The following ANKRD35 variants were observed in gnomAD, a reference collection of about 807,000 sequenced individuals.
ANKRD35 encodes ankyrin repeat domain 35.
In ANKRD35, 102 loss-of-function variants were observed where a neutral mutation model predicts 109.9. That is an observed-to-expected ratio of 0.93 (90% CI 0.79 to 1.09). The LOEUF is 1.09. Among genes scored for constraint, ANKRD35 ranks in the 50% least tolerant of loss-of-function variants. The pLI is 0.00. For synonymous variants in ANKRD35, 515 were observed against 512.4 expected (o/e 1.01, Z -0.07); for missense variants, 1,240 against 1,230.1 (o/e 1.01, Z -0.12).
chr1:145,874,237 A>T (rs782118978), intron 8 of ANKRD35, 45 bp from the exon 9 acceptor site: 2 of 1,597,652 alleles, frequency 1.3e-6, no homozygotes, highest in Non-Finnish European at 8.6e-7. Flanking sequence ...GACAGGTTCC[A>T]TGTACTTCCA....
At chr1:145,885,311 C>G (rs1553741704) in intron 1 of ANKRD35, among the ~76,000 whole-genome samples, 1 of 151,914 alleles carries the variant, frequency 6.6e-6, no homozygotes. Context: ...AAATATGGGG[C>G]TCTGGGGCAT....
chr1:145,882,938 T>C (rs587639205), intron 1 of ANKRD35, among the ~76,000 whole-genome samples: 1 of 152,260 alleles, frequency 6.6e-6, no homozygotes, highest in East Asian at 1.9e-4. Flanking sequence ...GCTGTGTACC[T>C]ATAAGCATCC....
At chr1:145,885,428 G>A (rs1553741727) in intron 1 of ANKRD35, among the ~76,000 whole-genome samples, 1 of 152,024 alleles carries the variant, frequency 6.6e-6, no homozygotes, top group Admixed American at 6.6e-5. Context: ...AGGGCCATGG[G>A]AAGGGGACAG....
rs782466875 is a variant in ANKRD35, at chr1:145,872,818, G to A, written c.1951C>T (p.Arg651Trp). The A allele has an allele frequency of 6.2e-7, 1 of 1,614,006 alleles. No homozygotes were observed. The highest frequency in any genetic ancestry group is 8.5e-7 in the Non-Finnish European group (1 of 1,179,948). Residue 651 changes from arginine (R) to tryptophan (W), a missense_variant, in exon 10 of 14, where the codon CGG (arginine) becomes TGG (tryptophan). Transcript: ENST00000355594. ...TTGGGCACAAACTCCCGCTGCAGCC[G>A]CTGGCTCAGGGACTGTAGCTCCCTC... ...LQRELQSLSQ[R>W]LQREFVPKPQ...
In ANKRD35 at chr1:145,874,184, G is replaced by A. The variant is rs1433781373; in HGVS notation, c.754C>T (p.Leu252=). 7 of 1,613,922 alleles carry A rather than the reference G, an allele frequency of 4.3e-6. No homozygotes were observed. Among genetic ancestry groups the A allele is most frequent in the Admixed American group, 3.3e-5 (2 of 59,984 alleles). ...GATGCGAGATCTGGGTGCTGGACTAGCCTCTGACCTATAAGAAAAGATATG... is the reference window on the plus strand; with the variant it reads ...GATGCGAGATCTGGGTGCTGGACTAACCTCTGACCTATAAGAAAAGATATG... ...LSRRRRGGQR[L]VQHPDLASQA... Residue 252 remains leucine (L), a synonymous_variant, in exon 9 of 14, where the codon CTA becomes TTA. Transcript: ENST00000355594.
chr1:145,867,937 T>A (rs1237007153), intron 12 of ANKRD35, 54 bp downstream of exon 12: 1 of 1,556,824 alleles, frequency 6.4e-7, no homozygotes, highest in Non-Finnish European at 8.9e-7. Context: ...CTAAATGCAA[T>A]ACCCTATACT....
chr1:145,873,511 A>G lies in ANKRD35; in HGVS notation c.1258T>C (p.Ser420Pro). The G allele has an allele frequency of 6.2e-7, 1 of 1,613,574 alleles. No individual in the cohort carries two copies. The highest frequency in any genetic ancestry group is 8.5e-7 in the Non-Finnish European group (1 of 1,179,876). Residue 420 changes from serine to proline, a missense_variant, in exon 10 of 14, where the codon TCC becomes CCC. Transcript: ENST00000355594. Reference protein sequence around the residue: ...GKIQYEVHGRSQPEEQGPPQS... With the variant: ...GKIQYEVHGRPQPEEQGPPQS... Reference sequence around the variant, plus strand: ...GGTGGCCCCTGTTCTTCTGGTTGGGACCTTCCATGGACTTCATACTGGATC... The same window carrying G: ...GGTGGCCCCTGTTCTTCTGGTTGGGGCCTTCCATGGACTTCATACTGGATC...
At chr1:145,866,893 T>TG (rs1559169901) in intron 13 of ANKRD35, 128 bp from the exon 14 acceptor site, 1 of 174,610 alleles carries the variant, frequency 5.7e-6, no homozygotes, top group Admixed American at 5.9e-5. Flanking sequence ...TGCATTGGGG[T>TG]GGGGGGAGGT....
At chr1:145,866,887 T>A (rs974887811) in intron 13 of ANKRD35, 122 bp from the exon 14 acceptor site, 1 of 173,094 alleles carries the variant, frequency 5.8e-6, no homozygotes, top group African/African-American at 2.4e-5. Context: ...ACTATCTGCA[T>A]TGGGGTGGGG....
chr1:145,867,299 C>T lies in ANKRD35; in HGVS notation c.*31G>A, dbSNP rs782475642. ...ACCCACAACTCACAACAGAGAATCT[C>T]GTATCCCTGAGGGCACACAGTGAGG... On this transcript the variant is annotated 3_prime_UTR_variant, in exon 13 of 14. Transcript: ENST00000355594. The T allele has an allele frequency of 1.3e-5, 21 of 1,604,508 alleles. No homozygotes were observed. The African/African-American group carries it at 2.0e-4, about 15-fold the overall frequency.
chr1:145,882,591 G>A (rs1478757833), intron 1 of ANKRD35, among the ~76,000 whole-genome samples: 1 of 152,040 alleles, frequency 6.6e-6, no homozygotes, highest in Non-Finnish European at 1.5e-5. Context: ...ACCACGCCTG[G>A]CCTGGGTACT....
chr1:145,875,027 G>A (rs1553739816), intron 7 of ANKRD35, 21 bp from the exon 8 acceptor site: 1 of 1,566,256 alleles, frequency 6.4e-7, no homozygotes, highest in African/African-American at 1.4e-5. Context: ...AGACAAATCT[G>A]AGCACAGACT....
At position 145,872,788 on chromosome 1, in the gene ANKRD35, G is replaced by C. The variant is rs11579366; in HGVS notation, c.1981C>G (p.Gln661Glu). The change falls in exon 10 of 14, where the codon CAG becomes GAG. Residue 661 changes from glutamine to glutamate, a missense_variant. Physicochemically the swap from Gln to Glu is conservative, Grantham distance 29. Transcript: ENST00000355594. The part of the protein sequence containing the change: ...RLQREFVPKP[Q>E]AQVQLQQLRQ... ...AACTGCTGTAGCTGGACCTGCGCCT[G>C]TGGCTTGGGCACAAACTCCCGCTGC... is the stretch of plus-strand genomic sequence containing the variant. The C allele has an allele frequency of 0.42, 673,819 of 1,613,802 alleles. 154,958 individuals carry two copies. The highest frequency in any genetic ancestry group is 0.83 in the African/African-American group (62,051 of 74,952).
chr1:145,873,147 A>C lies in ANKRD35; in HGVS notation c.1622T>G (p.Leu541Arg). ...TTCCAGCCTTGCCAGCACCCGCTCC[A>C]GTCGGGCTTCCATCTTCTCCCAGGC... Reference protein sequence around the residue: ...AAAWEKMEARLERVLARLEWA... With the variant: ...AAAWEKMEARRERVLARLEWA... The change falls in exon 10 of 14, where the codon CTG becomes CGG. Residue 541 changes from leucine (L) to arginine (R), a missense_variant. Leu to Arg is a moderately radical substitution (Grantham distance 102). Coordinates refer to ENST00000355594, the MANE Select transcript of ANKRD35 (RefSeq NM_144698.5). 1 of 1,614,070 alleles carries C rather than the reference A, an allele frequency of 6.2e-7. No individual in the cohort carries two copies. Among genetic ancestry groups the C allele is most frequent in the Non-Finnish European group, 8.5e-7 (1 of 1,180,010 alleles).
chr1:145,872,155 C>G lies in ANKRD35; in HGVS notation c.2614G>C (p.Glu872Gln), dbSNP rs782488827. 23 of 1,609,538 alleles carry G rather than the reference C, an allele frequency of 1.4e-5. No homozygotes were observed. The highest frequency in any genetic ancestry group is 2.0e-5 in the Non-Finnish European group (23 of 1,178,108). Residue 872 changes from glutamate (E) to glutamine (Q), a missense_variant, in exon 10 of 14, where the codon GAG (glutamate) becomes CAG (glutamine). By Grantham distance (29) the Glu-to-Gln change is conservative (BLOSUM62 2). Coordinates refer to ENST00000355594, the MANE Select transcript of ANKRD35 (RefSeq NM_144698.5). Reference protein sequence around the residue: ...TACREVGRLREAVAEERRRSG... With the variant: ...TACREVGRLRQAVAEERRRSG... ...CGGCGGCGCTCCTCGGCCACCGCCTCCCGCAGCCGACCCACTTCCCGGCAG... is the reference window on the plus strand; with the variant it reads ...CGGCGGCGCTCCTCGGCCACCGCCTGCCGCAGCCGACCCACTTCCCGGCAG...
chr1:145,868,608 G>A (rs1381304464), intron 10 of ANKRD35, among the ~76,000 whole-genome samples: 3 of 152,144 alleles, frequency 2.0e-5, no homozygotes, highest in Non-Finnish European at 4.4e-5. Flanking sequence ...ACAAACTTCG[G>A]TGAAACCCTT....
chr1:145,882,526 C>T (rs1310040730), intron 1 of ANKRD35, among the ~76,000 whole-genome samples: 1 of 151,064 alleles, frequency 6.6e-6, no homozygotes, highest in East Asian at 1.9e-4. Flanking sequence ...CTCCTGGGCT[C>T]AAGTGATCCT....
At chr1:145,880,924 A>G (rs1654261703) in intron 1 of ANKRD35, among the ~76,000 whole-genome samples, 1 of 152,226 alleles carries the variant, frequency 6.6e-6, no homozygotes, top group African/African-American at 2.4e-5. Context: ...TTGACAGAAG[A>G]AACAGAAGTA....
chr1:145,872,559 A>AC lies in ANKRD35; in HGVS notation c.2209dup (p.Val737GlyfsTer29). 1 of 1,610,530 alleles carries AC rather than the reference A, an allele frequency of 6.2e-7. No individual in the cohort carries two copies. Among genetic ancestry groups the AC allele is most frequent in the Non-Finnish European group, 8.5e-7 (1 of 1,178,388 alleles). On this transcript the variant is annotated frameshift_variant, in exon 10 of 14. Transcript: ENST00000355594. LOFTEE classifies it high-confidence loss of function. The stretch of plus-strand genomic sequence containing the variant: ...CTGCTGGGCCTCCCGGTGCCGATCC[A>AC]CCAGGGTGCTGATGCAGGCCCGCAG...
Sources: allele counts gnomAD v4.1 joint callset (sites outside exome capture counted in the v4.1 genomes callset), GRCh38; gene constraint gnomAD v4.1.1; transcripts MANE v1.5; gene names NCBI Gene and HGNC (gene_info 2026-07-23, HGNC 2026-07-21).